Variants in KNTC1 observed in about 807,000 individuals in gnomAD.
KNTC1 encodes the protein kinetochore associated 1.
In KNTC1, 253 loss-of-function variants were observed where a neutral mutation model predicts 314.4. The observed-to-expected ratio is 0.80, with a 90% CI of 0.73 to 0.89. KNTC1 has a LOEUF of 0.89. Ranked by LOEUF, KNTC1 falls within the 40% of genes least tolerant of loss-of-function variation. KNTC1 has a pLI of 0.00. For synonymous variants in KNTC1, 901 were observed against 901.4 expected, an observed-to-expected ratio of 1.00 and a Z score of 0.01; for missense variants, 2,475 against 2,572.9, an observed-to-expected ratio of 0.96 and a Z score of 0.82.
chr12:122,593,252 T>G (rs142352575), intron 42 of KNTC1: 2 of 160,524 alleles, frequency 1.2e-5, no homozygotes, highest in East Asian at 3.6e-4. Context: ...GCCTTTATTT[T>G]TCTTTCTTTT....
At chr12:122,547,177 C>T (rs1037879518) in intron 10 of KNTC1, among the ~76,000 whole-genome samples, 2 of 151,678 alleles carry the variant, frequency 1.3e-5, no homozygotes, top group Admixed American at 1.3e-4. Flanking sequence ...GTAGGCTAGG[C>T]GTGGTGGCTA....
chr12:122,619,389 G>A (rs1874155036), intron 59 of KNTC1, among the ~76,000 whole-genome samples: 1 of 148,574 alleles, frequency 6.7e-6, no homozygotes, highest in Non-Finnish European at 1.5e-5. Context: ...GATTACAGAT[G>A]TGAGGCACTG....
At chr12:122,597,649 T>C (rs1871241000) in intron 43 of KNTC1, 82 bp from the exon 44 acceptor site, 4 of 1,116,078 alleles carry the variant, frequency 3.6e-6, no homozygotes, top group South Asian at 2.5e-5. Context: ...AATGGAAGCA[T>C]GTACCCAAGT....
At chr12:122,582,633 C>G in intron 33 of KNTC1, 72 bp from the exon 34 acceptor site, 1 of 1,309,498 alleles carries the variant, frequency 7.6e-7, no homozygotes, top group Non-Finnish European at 1.0e-6. Context: ...AAAAAAAAAA[C>G]TAATGAAAAT....
intron 13 of KNTC1, among the ~76,000 whole-genome samples, chr12:122,550,500 T>G (rs1323551551): frequency 2.0e-5 from 3 of 151,920 alleles, no homozygotes; most frequent in African/African-American, 4.8e-5. Context: ...TCTCTGTGTT[T>G]TTGTTGTTGT....
In KNTC1 at chr12:122,604,888, T is replaced by G; in HGVS notation, c.5187T>G (p.Arg1729=). Reference sequence around the variant, plus strand: ...GAATTGTTTAAAAGGACGAAAAACGTGAAAAAGCCGAGGCTTTGTTGAAGA... The same window carrying G: ...GAATTGTTTAAAAGGACGAAAAACGGGAAAAAGCCGAGGCTTTGTTGAAGA... The part of the protein sequence containing the change: ...LQNIPSQDEK[R]EKAEALLKKL... Residue 1729 remains arginine, a synonymous_variant, in exon 50 of 64, where the codon CGT becomes CGG. Transcript: ENST00000333479. The G allele has an allele frequency of 6.2e-7, 1 of 1,602,562 alleles. No homozygotes were observed. The highest frequency in any genetic ancestry group is 8.5e-7 in the Non-Finnish European group (1 of 1,174,314).
At chr12:122,621,038 T>C (rs1593697657) in intron 60 of KNTC1, among the ~76,000 whole-genome samples, 1 of 152,114 alleles carries the variant, frequency 6.6e-6, no homozygotes, top group South Asian at 2.1e-4. Flanking sequence ...GGCTTGAGGG[T>C]TAAGTACCCA....
chr12:122,551,309 GT>G lies in KNTC1; in HGVS notation c.1087-8del. Reference sequence around the variant, plus strand: ...ATTGGAATTTTAATCATGTTTTTTTGTTATTGTAGGATACCATATACCTTTT... The same window carrying G: ...ATTGGAATTTTAATCATGTTTTTTTGTATTGTAGGATACCATATACCTTTT... On this transcript the variant is annotated splice_polypyrimidine_tract_variant and intron_variant, in intron 13 of 63. Transcript: ENST00000333479. 6.6e-7 allele frequency: 1 copy of G among 1,511,588 alleles called. No individual in the cohort carries two copies. The highest frequency in any genetic ancestry group is 9.1e-7 in the Non-Finnish European group (1 of 1,100,262). The allele number at this position is 1,511,588 out of a possible 1,614,324, so 93.6% of individuals were successfully genotyped here.
At chr12:122,537,507 C>T (rs916428078) in intron 3 of KNTC1, among the ~76,000 whole-genome samples, 4 of 151,964 alleles carry the variant, frequency 2.6e-5, no homozygotes, top group Non-Finnish European at 4.4e-5. Context: ...CAGCCTCCAC[C>T]TCCTGGGTTC....
chr12:122,556,923 T>A (rs1963639240), intron 16 of KNTC1, among the ~76,000 whole-genome samples: 3 of 142,284 alleles, frequency 2.1e-5, no homozygotes, highest in Non-Finnish European at 4.6e-5. Context: ...CCCTCTTTTT[T>A]TTTTTTTTTT....
chr12:122,624,099 CAT>C (rs1285825895), intron 62 of KNTC1, among the ~76,000 whole-genome samples: 23 of 152,118 alleles, frequency 1.5e-4, no homozygotes, highest in Middle Eastern at 3.4e-3. Flanking sequence ...CAATGTGTAA[CAT>C]GTCTCTTTTT....
intron 32 of KNTC1, among the ~76,000 whole-genome samples, 162 bp from the exon 33 acceptor site, chr12:122,580,440 CA>C (rs1965329526): frequency 6.6e-6 from 1 of 152,042 alleles, no homozygotes; most frequent in Non-Finnish European, 1.5e-5. Flanking sequence ...AGATTTTTTT[CA>C]AATTAGATCT....
chr12:122,538,389 G>A lies in KNTC1; in HGVS notation c.301G>A (p.Val101Ile), dbSNP rs775757438. 2.7e-5 allele frequency: 43 copies of A among 1,606,168 alleles called. No individual in the cohort carries two copies. Among genetic ancestry groups the A allele is most frequent in the Non-Finnish European group, 3.7e-5 (43 of 1,176,066 alleles). ...GLCQEGKFLL[V>I]GERSGNLHLI... The stretch of plus-strand genomic sequence containing the variant: ...TTGTCAAGAAGGAAAGTTTCTTTTG[G>A]TTGGCGAGAGAAGTGGCAACCTACA... Residue 101 changes from valine (V) to isoleucine (I), a missense_variant, in exon 4 of 64, where the codon GTT (valine) becomes ATT (isoleucine). Coordinates refer to ENST00000333479, the MANE Select transcript of KNTC1 (RefSeq NM_014708.6).
At chr12:122,621,070 T>C (rs1053844498) in intron 60 of KNTC1, among the ~76,000 whole-genome samples, 1 of 152,088 alleles carries the variant, frequency 6.6e-6, no homozygotes, top group African/African-American at 2.4e-5. Context: ...GGTAATGAAC[T>C]TGAACAAGAC....
intron 44 of KNTC1, among the ~76,000 whole-genome samples, chr12:122,599,172 G>A (rs1006241299): frequency 6.0e-5 from 9 of 151,178 alleles, no homozygotes; most frequent in African/African-American, 2.2e-4. Flanking sequence ...TCACTATATT[G>A]CCCAGGTTGG....
chr12:122,622,748 A>C, intron 62 of KNTC1, 141 bp downstream of exon 62: 1 of 621,826 alleles, frequency 1.6e-6, no homozygotes, highest in Non-Finnish European at 2.6e-6. Context: ...TGAGAGTTCA[A>C]AACCAGCCTG....
chr12:122,584,511 C>G, intron 35 of KNTC1, 61 bp downstream of exon 35: 1 of 1,270,428 alleles, frequency 7.9e-7, no homozygotes, highest in Non-Finnish European at 1.1e-6. Flanking sequence ...ACTTGTCTCC[C>G]AAATGCTGTC....
Position 122,609,449 on chromosome 12 carries a change from T to G in KNTC1, c.5543+19T>G. ...TACGAAGGTACTCTTTTCCTTTACT[T>G]ATATTCACCTATATCGTGATGCAAA... On this transcript the variant is annotated intron_variant, in intron 52 of 63. Transcript: ENST00000333479. 6.9e-7 allele frequency: 1 copy of G among 1,444,624 alleles called. No individual in the cohort carries two copies. The highest frequency in any genetic ancestry group is 9.5e-7 in the Non-Finnish European group (1 of 1,049,394). 89.5% of individuals were successfully genotyped at this position (1,444,624 alleles called of 1,614,324 possible).
rs1962125272 is a variant in KNTC1 at position 122,539,603 on chromosome 12, A to G, written c.367-73A>G. ...TGCTAATGATAATTGATAACTCTAGAGTTTAAAGAATAAAATCCTTGATTG... is the reference window on the plus strand; with the variant it reads ...TGCTAATGATAATTGATAACTCTAGGGTTTAAAGAATAAAATCCTTGATTG... On this transcript the variant is annotated intron_variant, in intron 4 of 63. Transcript: ENST00000333479. The G allele has an allele frequency of 5.9e-6, 6 of 1,024,398 alleles. No homozygotes were observed. The Admixed American group carries it at 1.3e-4, about 22-fold the overall frequency. The allele number at this position is 1,024,398 out of a possible 1,614,324, so 63.5% of individuals were successfully genotyped here. A position where few individuals can be genotyped will look rare whatever the true frequency, so the allele number is the denominator to read the frequency against.
Sources: gnomAD v4.1 joint callset for allele counts (sites outside exome capture counted in the v4.1 genomes callset) on GRCh38, gnomAD v4.1.1 for gene constraint, MANE v1.5 for transcripts, NCBI Gene and HGNC (gene_info 2026-07-23, HGNC 2026-07-21) for gene names.